The following NIPAL2 variants were observed in gnomAD, a reference collection of about 807,000 sequenced individuals.
NIPAL2 encodes the protein NIPA-like protein 2.
A neutral mutation model predicts 48.9 loss-of-function variants in NIPAL2; 43 were observed. The observed-to-expected ratio is 0.88, with a 90% CI of 0.69 to 1.13. The LOEUF (loss-of-function observed/expected upper bound fraction) is 1.13, where lower values mean the gene tolerates loss of function less well. Ranked by LOEUF, NIPAL2 falls within the 50% of genes most tolerant of loss-of-function variation. The pLI is 0.00. For missense variants in NIPAL2, 446 were observed against 461.4 expected (o/e 0.97, Z 0.31); for synonymous variants, 167 against 174.6 (o/e 0.96, Z 0.34).
At position 98,192,197 on chromosome 8, in the gene NIPAL2, G is replaced by C. The variant is rs1250515073; in HGVS notation, c.*781C>G. Reference sequence around the variant, plus strand: ...TTTATTAAAAAATAAACAAACATTAGTCCTACTTTTTGTCTCTAACGCTTC... The same window carrying C: ...TTTATTAAAAAATAAACAAACATTACTCCTACTTTTTGTCTCTAACGCTTC... On this transcript the variant is annotated 3_prime_UTR_variant, in exon 11 of 11. Coordinates refer to ENST00000430223, the MANE Select transcript of NIPAL2 (RefSeq NM_001321635.2). 1 of 152,094 alleles carries C rather than the reference G, an allele frequency of 6.6e-6. No homozygotes were observed. The highest frequency in any genetic ancestry group is 1.5e-5 in the Non-Finnish European group (1 of 68,024). The allele number at this position is 152,094 out of a possible 1,614,324, so 9.4% of individuals were successfully genotyped here.
intron 3 of NIPAL2, among the ~76,000 whole-genome samples, chr8:98,248,730 C>T (rs904916575): frequency 6.6e-6 from 1 of 152,298 alleles, no homozygotes. Flanking sequence ...AATGGAAACA[C>T]TAATCCACAT....
chr8:98,225,522 G>A (rs182703525), intron 4 of NIPAL2, among the ~76,000 whole-genome samples: 4 of 152,326 alleles, frequency 2.6e-5, no homozygotes, highest in Non-Finnish European at 5.9e-5. Flanking sequence ...TTGCCGAAAG[G>A]AGTAATCTGG....
chr8:98,194,778 C>A lies in NIPAL2; in HGVS notation c.989G>T (p.Arg330Leu). The A allele has an allele frequency of 6.4e-7, 1 of 1,574,224 alleles. No individual in the cohort carries two copies. The highest frequency in any genetic ancestry group is 1.2e-5 in the South Asian group (1 of 83,112). ...AGACTGTTGCAGATGTTCCTTTTCT[C>A]GATTTCTTGTGACCAAAAATACACC... ...FLGVFLVTRN[R>L]EKEHLQQSYI... The change falls in exon 10 of 11, where the codon CGA becomes CTA. Residue 330 changes from arginine (R) to leucine (L), a missense_variant. Coordinates refer to ENST00000430223, the MANE Select transcript of NIPAL2 (RefSeq NM_001321635.2).
intron 4 of NIPAL2, among the ~76,000 whole-genome samples, chr8:98,225,708 A>G (rs534449024): frequency 3.7e-4 from 57 of 152,232 alleles, no homozygotes; most frequent in African/African-American, 1.3e-3. Flanking sequence ...GGTGTTCTGT[A>G]CATGAACCTT....
intron 1 of NIPAL2, among the ~76,000 whole-genome samples, chr8:98,274,635 C>T (rs1195943296): frequency 1.3e-5 from 2 of 151,978 alleles, no homozygotes; most frequent in Admixed American, 1.3e-4. Context: ...TCCTCTTCCT[C>T]CATCACTTTA....
At chr8:98,222,760 C>T (rs1476413014) in intron 4 of NIPAL2, among the ~76,000 whole-genome samples, 160 bp from the exon 5 acceptor site, 2 of 152,228 alleles carry the variant, frequency 1.3e-5, no homozygotes, top group Non-Finnish European at 2.9e-5. Context: ...CGTCCACATT[C>T]ACCTGAAGGC....
intron 1 of NIPAL2, among the ~76,000 whole-genome samples, chr8:98,291,291 A>C (rs1448869821): frequency 6.6e-6 from 1 of 152,200 alleles, no homozygotes; most frequent in Non-Finnish European, 1.5e-5. Flanking sequence ...AAATATTCAG[A>C]AAGGCACCAG....
chr8:98,290,868 G>T (rs149486211), intron 1 of NIPAL2, among the ~76,000 whole-genome samples: 2 of 152,070 alleles, frequency 1.3e-5, no homozygotes, highest in African/African-American at 4.8e-5. Flanking sequence ...GAAAAGGCCC[G>T]GCATTGCTGG....
At chr8:98,282,049 A>G (rs141649112) in intron 1 of NIPAL2, among the ~76,000 whole-genome samples, 77 of 152,346 alleles carry the variant, frequency 5.1e-4, no homozygotes, top group African/African-American at 1.8e-3. Context: ...TAACATTCAA[A>G]GAAGACTTTG....
At chr8:98,231,780 A>G (rs534841933) in intron 4 of NIPAL2, 3 of 152,338 alleles carry the variant, frequency 2.0e-5, no homozygotes, top group Non-Finnish European at 4.4e-5. Context: ...ACATTTGGCA[A>G]TAAATTAGTT....
At chr8:98,282,488 G>A (rs185974130) in intron 1 of NIPAL2, among the ~76,000 whole-genome samples, 3 of 152,118 alleles carry the variant, frequency 2.0e-5, no homozygotes, top group Admixed American at 6.5e-5. Context: ...GGGCAATGAG[G>A]ATAGTTAATT....
At chr8:98,256,773 A>G (rs1813919568) in intron 1 of NIPAL2, among the ~76,000 whole-genome samples, 2 of 152,218 alleles carry the variant, frequency 1.3e-5, no homozygotes, top group African/African-American at 2.4e-5. Flanking sequence ...GGATTACCAT[A>G]TGGTCTAGCA....
intron 1 of NIPAL2, among the ~76,000 whole-genome samples, chr8:98,259,070 C>CTTTTT (rs869220202): frequency 7.9e-4 from 33 of 41,860 alleles, no homozygotes; most frequent in South Asian, 1.9e-3. Flanking sequence ...TTAAATATTC[C>CTTTTT]TTTTTTTTTT....
chr8:98,241,192 A>T (rs892767948), intron 3 of NIPAL2, among the ~76,000 whole-genome samples: 1 of 152,226 alleles, frequency 6.6e-6, no homozygotes, highest in Non-Finnish European at 1.5e-5. Flanking sequence ...TTACTTAGTG[A>T]TGATATGTGT....
intron 1 of NIPAL2, among the ~76,000 whole-genome samples, chr8:98,284,424 A>T (rs922150645): frequency 3.7e-5 from 5 of 133,678 alleles, no homozygotes; most frequent in East Asian, 1.9e-4. Flanking sequence ...TCTCTCACAC[A>T]CACACACACA....
At chr8:98,199,327 C>G (rs1043718311) in intron 8 of NIPAL2, among the ~76,000 whole-genome samples, 1 of 152,142 alleles carries the variant, frequency 6.6e-6, no homozygotes, top group Non-Finnish European at 1.5e-5. Context: ...TTCAGCCTAT[C>G]TTGGCTTTTG....
At position 98,192,973 on chromosome 8, in the gene NIPAL2, A is replaced by G; in HGVS notation, c.*5T>C. On this transcript the variant is annotated 3_prime_UTR_variant, in exon 11 of 11. Coordinates refer to ENST00000430223, the MANE Select transcript of NIPAL2 (RefSeq NM_001321635.2). The stretch of plus-strand genomic sequence containing the variant: ...TAACAGGCCAACAGCCATCCTTCTC[A>G]GCATTTAGACCTCTTTCTTCTCTCC... 1 of 1,587,088 alleles carries G rather than the reference A, an allele frequency of 6.3e-7. No homozygotes were observed. The highest frequency in any genetic ancestry group is 8.7e-7 in the Non-Finnish European group (1 of 1,155,700).
chr8:98,224,392 T>G (rs116490068), intron 4 of NIPAL2, among the ~76,000 whole-genome samples: 210 of 152,104 alleles, frequency 1.4e-3, no homozygotes, highest in African/African-American at 4.6e-3. Flanking sequence ...TCTTGCTTTT[T>G]TTTTCTGCTT....
chr8:98,231,083 T>C (rs1812417795), intron 4 of NIPAL2, among the ~76,000 whole-genome samples: 1 of 152,198 alleles, frequency 6.6e-6, no homozygotes, highest in African/African-American at 2.4e-5. Flanking sequence ...GTTATTGCTT[T>C]TGTGGGATAA....
Sources: gnomAD v4.1 joint callset for allele counts (sites outside exome capture counted in the v4.1 genomes callset) on GRCh38, gnomAD v4.1.1 for gene constraint, MANE v1.5 for transcripts, NCBI Gene and HGNC (gene_info 2026-07-23, HGNC 2026-07-21) for gene names.